Variants in PTPRN2 observed in about 807,000 individuals in gnomAD.
PTPRN2 encodes the protein receptor-type tyrosine-protein phosphatase N2.
Under a neutral mutation model 118.8 loss-of-function variants are expected in PTPRN2, and 74 were observed. The ratio of observed to expected loss-of-function variants is 0.62; its 90% CI spans 0.52 to 0.76. PTPRN2 has a LOEUF of 0.76. Ranked by LOEUF, PTPRN2 falls within the 30% of genes least tolerant of loss-of-function variation. The pLI, the probability that PTPRN2 is intolerant of heterozygous loss-of-function variation, is 0.00. For synonymous variants in PTPRN2, 641 were observed against 608.0 expected, an observed-to-expected ratio of 1.05 and a Z score of -0.80; for missense variants, 1,481 against 1,394.4, an observed-to-expected ratio of 1.06 and a Z score of -0.99.
chr7:158,482,668 T>G (rs1055674332), intron 2 of PTPRN2, among the ~76,000 whole-genome samples: 1 of 152,214 alleles, frequency 6.6e-6, no homozygotes, highest in South Asian at 2.1e-4. Context: ...ATCGTCATAT[T>G]TGCTTTATTG....
intron 11 of PTPRN2, among the ~76,000 whole-genome samples, chr7:157,902,981 T>C (rs1290119413): frequency 6.6e-6 from 1 of 152,178 alleles, no homozygotes; most frequent in East Asian, 1.9e-4. Context: ...TAGGGGCCTG[T>C]GTTCTTTCTT....
intron 11 of PTPRN2, among the ~76,000 whole-genome samples, chr7:158,041,699 G>C (rs1050088911): frequency 7.9e-5 from 12 of 152,132 alleles, no homozygotes; most frequent in Admixed American, 5.9e-4. Flanking sequence ...ACAATTGAAG[G>C]CTACAAATAG....
chr7:158,442,104 C>CAGTGATGGTGATAGCGATGGTGAT (rs1817373717), intron 2 of PTPRN2, among the ~76,000 whole-genome samples: 2 of 75,278 alleles, frequency 2.7e-5, no homozygotes, highest in Non-Finnish European at 5.8e-5. Flanking sequence ...GTGATGGTCA[C>CAGTGATGGTGATAGCGATGGTGAT]GGCAGTGGTG....
chr7:158,111,613 T>A (rs1488891734), intron 9 of PTPRN2, among the ~76,000 whole-genome samples: 2 of 152,218 alleles, frequency 1.3e-5, no homozygotes, highest in African/African-American at 4.8e-5. Context: ...AAGCATGTTG[T>A]ACCGCAAAGG....
chr7:158,169,036 C>T (rs948509869), intron 5 of PTPRN2, among the ~76,000 whole-genome samples: 1 of 152,164 alleles, frequency 6.6e-6, no homozygotes. Flanking sequence ...CTTGCACCTC[C>T]TTGGGGCACA....
intron 13 of PTPRN2, among the ~76,000 whole-genome samples, chr7:157,681,232 G>A (rs777862311): frequency 3.3e-5 from 5 of 152,062 alleles, no homozygotes; most frequent in Non-Finnish European, 5.9e-5. Context: ...ATGATCTTCC[G>A]TCTCTCACGC....
At chr7:157,797,638 C>T (rs2151088579) in intron 12 of PTPRN2, among the ~76,000 whole-genome samples, 1 of 152,322 alleles carries the variant, frequency 6.6e-6, no homozygotes, top group South Asian at 2.1e-4. Flanking sequence ...GTGGCAGGGC[C>T]TGGCCAGAGA....
At position 157,881,626 on chromosome 7, in the gene PTPRN2, C is replaced by A. The variant is rs544801553; in HGVS notation, c.1788+17047G>T. ...CCAAGCCCCTGTGACTGCAGGGATG[C>A]GTCTCTGCCTACGAGAAAGGAGAGG... On this transcript the variant is annotated intron_variant, in intron 12 of 22. Transcript: ENST00000389418. The surrounding 1 kb of genome is among the most constrained non-coding windows in gnomAD (Gnocchi z 4.7). Among the ~76,000 whole-genome samples, 5 of 152,046 alleles carry A rather than the reference C, an allele frequency of 3.3e-5. No homozygotes were observed. Among genetic ancestry groups the A allele is most frequent in the Admixed American group, 2.6e-4 (4 of 15,254 alleles).
At chr7:158,208,387 A>G (rs542852082) in intron 3 of PTPRN2, among the ~76,000 whole-genome samples, 1 of 152,192 alleles carries the variant, frequency 6.6e-6, no homozygotes, top group African/African-American at 2.4e-5. Context: ...TGAAGAAAGA[A>G]TCCTAAAATC....
At chr7:157,923,398 C>T (rs1027157662) in intron 11 of PTPRN2, among the ~76,000 whole-genome samples, 7 of 152,188 alleles carry the variant, frequency 4.6e-5, no homozygotes, top group Non-Finnish European at 1.0e-4. Flanking sequence ...GCCTGAGCCT[C>T]GGGAAACGCC....
chr7:157,776,544 C>T (rs1485559585), intron 12 of PTPRN2, among the ~76,000 whole-genome samples: 95 of 62,400 alleles, frequency 1.5e-3, no homozygotes, highest in Middle Eastern at 0.014. Flanking sequence ...CTCCTTCTCC[C>T]TCTCCTCCTC....
rs190384231 is a variant in PTPRN2, at chr7:158,474,600, G to A, written c.163+15135C>T. On this transcript the variant is annotated intron_variant, in intron 2 of 22. Coordinates refer to ENST00000389418, the MANE Select transcript of PTPRN2 (RefSeq NM_002847.5). ...CGGGCCACCTCCACCAGAGTCAACCGCCCAGCAGAATGTGGGCACCCCTCC... is the reference window on the plus strand; with the variant it reads ...CGGGCCACCTCCACCAGAGTCAACCACCCAGCAGAATGTGGGCACCCCTCC... 3.2e-4 allele frequency among the ~76,000 whole-genome samples: 48 copies of A among 152,008 alleles called. No homozygotes were observed. The East Asian group carries it at 5.4e-3, about 17-fold the overall frequency.
chr7:157,694,008 G>A (rs1563353280), intron 12 of PTPRN2, among the ~76,000 whole-genome samples: 2 of 152,254 alleles, frequency 1.3e-5, no homozygotes, highest in South Asian at 4.1e-4. Context: ...CCACGGGGCC[G>A]GCGACCCCAG....
chr7:158,050,813 G>T (rs890149066), intron 11 of PTPRN2, among the ~76,000 whole-genome samples: 5 of 152,208 alleles, frequency 3.3e-5, no homozygotes, highest in African/African-American at 1.2e-4. Flanking sequence ...TCCTTCCTCT[G>T]TGCACACCTC....
At chr7:158,290,031 G>A (rs930084258) in intron 3 of PTPRN2, among the ~76,000 whole-genome samples, 4 of 152,186 alleles carry the variant, frequency 2.6e-5, no homozygotes, top group Non-Finnish European at 5.9e-5. Flanking sequence ...GGCAGGACTG[G>A]TGCTAGGGTA....
intron 12 of PTPRN2, among the ~76,000 whole-genome samples, chr7:157,719,155 C>A (rs1023462026): frequency 2.0e-5 from 3 of 152,198 alleles, no homozygotes; most frequent in Non-Finnish European, 4.4e-5. Flanking sequence ...CAGGAAGCCC[C>A]ATGAGAGGGT....
chr7:158,128,946 AACACACAC>A (rs113152022), intron 9 of PTPRN2, among the ~76,000 whole-genome samples: 5 of 149,830 alleles, frequency 3.3e-5, no homozygotes, highest in South Asian at 2.1e-4. Flanking sequence ...CAGGCAACCA[AACACACAC>A]ACACACACAC....
At chr7:157,570,225 T>C (rs922049554) in intron 20 of PTPRN2, among the ~76,000 whole-genome samples, 1 of 152,282 alleles carries the variant, frequency 6.6e-6, no homozygotes, top group Admixed American at 6.5e-5. Flanking sequence ...GCTGAGTGCC[T>C]TTCTCACTTG....
intron 3 of PTPRN2, among the ~76,000 whole-genome samples, chr7:158,302,127 A>G (rs991265941): frequency 1.3e-5 from 2 of 152,188 alleles, no homozygotes; most frequent in Non-Finnish European, 2.9e-5. Context: ...GGAAAACAAT[A>G]CACACCTGAG....
Sources: allele counts gnomAD v4.1 joint callset (sites outside exome capture counted in the v4.1 genomes callset), GRCh38; gene constraint gnomAD v4.1.1; non-coding constraint Gnocchi (gnomAD v3.1); transcripts MANE v1.5; gene names NCBI Gene and HGNC (gene_info 2026-07-23, HGNC 2026-07-21).